Variants in ADAM19 observed in about 807,000 individuals in gnomAD.
ADAM19 encodes the protein disintegrin and metalloproteinase domain-containing protein 19.
ADAM19 carries 65 observed loss-of-function variants against 114.7 expected under a neutral mutation model. The observed-to-expected ratio is 0.57, with a 90% CI of 0.46 to 0.70. ADAM19 has a LOEUF of 0.70. Among genes scored for constraint, ADAM19 ranks in the 30% least tolerant of loss-of-function variants. The probability of loss-of-function intolerance (pLI) is 0.00; values close to 1 mark genes in which losing one functional copy is unlikely to be tolerated. For synonymous variants in ADAM19, 466 were observed against 460.5 expected (o/e 1.01, Z -0.15); for missense variants, 1,063 against 1,204.7 (o/e 0.88, Z 1.74).
intron 13 of ADAM19, among the ~76,000 whole-genome samples, chr5:157,497,699 CG>C (rs1561530007): frequency 6.6e-6 from 1 of 152,186 alleles, no homozygotes; most frequent in Non-Finnish European, 1.5e-5. Context: ...GTGACATACA[CG>C]TATCTCGTGG....
In ADAM19 at chr5:157,513,282, G is replaced by T. The variant is rs141916604; in HGVS notation, c.738+152C>A. 6.5e-6 allele frequency: 4 copies of T among 619,180 alleles called. No individual in the cohort carries two copies. The East Asian group carries it at 8.1e-5, about 13-fold the overall frequency. 38.4% of individuals were successfully genotyped at this position (619,180 alleles called of 1,614,324 possible). A position where few individuals can be genotyped will look rare whatever the true frequency, so the allele number is the denominator to read the frequency against. ...TACTTGCCTAAGGGTACGTAGTTCA[G>T]GGCTCTGTCATGACCGCCCTGGGCC... On this transcript the variant is annotated intron_variant, in intron 8 of 22. Coordinates refer to ENST00000257527, the MANE Select transcript of ADAM19 (RefSeq NM_033274.5).
chr5:157,530,576 A>G lies in ADAM19; in HGVS notation c.407+231T>C, dbSNP rs78952763. On this transcript the variant is annotated intron_variant, in intron 5 of 22. Transcript: ENST00000257527. Reference sequence around the variant, plus strand: ...GCCTTACCATACCTAAATAATAACAAAACCTATATTTTAAAACATCAAGTT... The same window carrying G: ...GCCTTACCATACCTAAATAATAACAGAACCTATATTTTAAAACATCAAGTT... Among the ~76,000 whole-genome samples, 12 of 152,312 alleles carry G rather than the reference A, an allele frequency of 7.9e-5. No homozygotes were observed. In the East Asian group the frequency reaches 2.3e-3, roughly 29 times the overall value.
chr5:157,540,649 T>C (rs1209363602), intron 3 of ADAM19, among the ~76,000 whole-genome samples: 3 of 152,166 alleles, frequency 2.0e-5, no homozygotes, highest in Non-Finnish European at 4.4e-5. Context: ...AGGCAGTACA[T>C]GTGCATTCTG....
At chr5:157,522,308 C>A (rs1487604536) in intron 5 of ADAM19, among the ~76,000 whole-genome samples, 2 of 151,578 alleles carry the variant, frequency 1.3e-5, no homozygotes, top group Non-Finnish European at 2.9e-5. Flanking sequence ...GTTTCATCAA[C>A]TTTTAAGTTC....
At chr5:157,500,767 A>G (rs528792595) in intron 12 of ADAM19, among the ~76,000 whole-genome samples, 2 of 152,184 alleles carry the variant, frequency 1.3e-5, no homozygotes, top group Non-Finnish European at 2.9e-5. Context: ...CCAGCCTGAG[A>G]TTTTTAAAAG....
chr5:157,479,355 T>C lies in ADAM19; in HGVS notation c.*1594A>G. Reference sequence around the variant, plus strand: ...GTGAATCAGAAGCTCAGCCTCAGCCTTGCAGTGAGGTTTTCAAGAGCAAAC... The same window carrying C: ...GTGAATCAGAAGCTCAGCCTCAGCCCTGCAGTGAGGTTTTCAAGAGCAAAC... On this transcript the variant is annotated 3_prime_UTR_variant, in exon 23 of 23. Coordinates refer to ENST00000257527, the MANE Select transcript of ADAM19 (RefSeq NM_033274.5). The C allele has an allele frequency of 1.0e-6, 1 of 986,046 alleles. No individual in the cohort carries two copies. Among genetic ancestry groups the C allele is most frequent in the Non-Finnish European group, 1.2e-6 (1 of 830,088 alleles). The allele number at this position is 986,046 out of a possible 1,614,324, so 61.1% of individuals were successfully genotyped here.
At chr5:157,551,408 A>ACC (rs200931202) in intron 3 of ADAM19, among the ~76,000 whole-genome samples, 1 of 37,708 alleles carries the variant, frequency 2.7e-5, no homozygotes, top group Non-Finnish European at 4.6e-5. Flanking sequence ...TGTCCCCCCA[A>ACC]CCCCAAAAAA....
intron 3 of ADAM19, among the ~76,000 whole-genome samples, chr5:157,561,041 C>T (rs1257036776): frequency 6.6e-6 from 1 of 152,186 alleles, no homozygotes; most frequent in Non-Finnish European, 1.5e-5. Context: ...TAGTAAGTGG[C>T]AGAGCCAGGA....
In ADAM19 at chr5:157,480,537, C is replaced by A; in HGVS notation, c.*412G>T. 9.8e-7 allele frequency: 1 copy of A among 1,018,634 alleles called. No individual in the cohort carries two copies. The highest frequency in any genetic ancestry group is 1.2e-6 in the Non-Finnish European group (1 of 850,524). The allele number at this position is 1,018,634 out of a possible 1,614,324, so 63.1% of individuals were successfully genotyped here. ...CCGGGACCTCTGAGGAGAGCAGAAGCAATGGGAAGCTCTCTTGCGTGCCCT... is the reference window on the plus strand; with the variant it reads ...CCGGGACCTCTGAGGAGAGCAGAAGAAATGGGAAGCTCTCTTGCGTGCCCT... On this transcript the variant is annotated 3_prime_UTR_variant, in exon 23 of 23. Transcript: ENST00000257527.
intron 14 of ADAM19, among the ~76,000 whole-genome samples, chr5:157,495,080 CTT>C (rs1344413959): frequency 6.6e-6 from 1 of 152,096 alleles, no homozygotes; most frequent in African/African-American, 2.4e-5. Context: ...TCCTCCGCCT[CTT>C]GGGTTCAAGC....
chr5:157,525,510 G>A (rs1026495789), intron 5 of ADAM19, among the ~76,000 whole-genome samples: 1 of 152,168 alleles, frequency 6.6e-6, no homozygotes. Context: ...TGAGAGCCGG[G>A]GCTAATCCCA....
chr5:157,480,877 A>T lies in ADAM19; in HGVS notation c.*72T>A. ...CAGAGGCGGCCAGACATGCTTCTTC[A>T]GGGTTCCATGGCCATGGGTCCTCTG... On this transcript the variant is annotated 3_prime_UTR_variant, in exon 23 of 23. Coordinates refer to ENST00000257527, the MANE Select transcript of ADAM19 (RefSeq NM_033274.5). The T allele has an allele frequency of 6.2e-7, 1 of 1,607,840 alleles. No homozygotes were observed. Among genetic ancestry groups the T allele is most frequent in the South Asian group, 1.1e-5 (1 of 89,984 alleles).
Position 157,498,688 on chromosome 5 carries a change from GTATATA to G in ADAM19, c.1398+879_1398+884del, listed in dbSNP as rs55867903. 8.3e-5 allele frequency among the ~76,000 whole-genome samples: 12 copies of G among 143,876 alleles called. No homozygotes were observed. In the South Asian group the frequency reaches 2.0e-3, roughly 24 times the overall value. 94.4% of individuals were successfully genotyped at this position (143,876 alleles called of 152,430 possible). A position where few individuals can be genotyped will look rare whatever the true frequency, so the allele number is the denominator to read the frequency against. ...CATATATAATTACACATGTGTGTAT[GTATATA>G]TATATATATATATATATGGATATGG... On this transcript the variant is annotated intron_variant, in intron 13 of 22. Transcript: ENST00000257527.
chr5:157,487,892 A>T (rs1321757930), intron 21 of ADAM19, among the ~76,000 whole-genome samples: 1 of 152,190 alleles, frequency 6.6e-6, no homozygotes, highest in East Asian at 1.9e-4. Context: ...AGATCTGAGG[A>T]TGAGCAGGAG....
chr5:157,480,425 T>C lies in ADAM19; in HGVS notation c.*524A>G, dbSNP rs1561836611. On this transcript the variant is annotated 3_prime_UTR_variant, in exon 23 of 23. Transcript: ENST00000257527. The stretch of plus-strand genomic sequence containing the variant: ...AGAAGCCGTTCCCTCAACCAAGCCC[T>C]GGGCAGGGCCACAGCAGTGGCTGGC... The C allele has an allele frequency of 1.0e-6, 1 of 989,572 alleles. No homozygotes were observed. The highest frequency in any genetic ancestry group is 1.1e-4 in the East Asian group (1 of 8,886). 61.3% of individuals were successfully genotyped at this position (989,572 alleles called of 1,614,324 possible). A position where few individuals can be genotyped will look rare whatever the true frequency, so the allele number is the denominator to read the frequency against.
At chr5:157,519,095 G>C (rs1181460744) in intron 6 of ADAM19, among the ~76,000 whole-genome samples, 2 of 152,138 alleles carry the variant, frequency 1.3e-5, no homozygotes, top group Non-Finnish European at 2.9e-5. Flanking sequence ...GGCTGCTCTG[G>C]GACCCTGGAT....
rs181624259 is a variant in ADAM19 at position 157,480,485 on chromosome 5, G to A, written c.*464C>T. On this transcript the variant is annotated 3_prime_UTR_variant, in exon 23 of 23. Transcript: ENST00000257527. ...CCTTAATCCCTAAAAGCTAAAAGGG[G>A]TGGGTAAGTACCAGCCTCCATCCAG... 1.3e-5 allele frequency: 13 copies of A among 992,382 alleles called. No individual in the cohort carries two copies. In the East Asian group the frequency reaches 1.4e-3, roughly 110 times the overall value. The allele number at this position is 992,382 out of a possible 1,614,324, so 61.5% of individuals were successfully genotyped here.
At chr5:157,511,938 C>A (rs981528740) in intron 8 of ADAM19, among the ~76,000 whole-genome samples, 2 of 152,202 alleles carry the variant, frequency 1.3e-5, no homozygotes, top group African/African-American at 4.8e-5. Flanking sequence ...CACCAGCGCC[C>A]TTGGTTCCAT....
Position 157,523,611 on chromosome 5 carries a change from T to A in ADAM19, c.408-3580A>T, listed in dbSNP as rs183178230. On this transcript the variant is annotated intron_variant, in intron 5 of 22. Transcript: ENST00000257527. ...GCTCCCCTTCACCTTCTGCCATGAG[T>A]GGAAGCAGCCTGAGGCCCTCACCAG... 6.5e-3 allele frequency among the ~76,000 whole-genome samples: 984 copies of A among 152,310 alleles called. 5 individuals carry two copies. The highest frequency in any genetic ancestry group is 9.6e-3 in the Non-Finnish European group (655 of 68,038).
Sources: allele counts gnomAD v4.1 joint callset (sites outside exome capture counted in the v4.1 genomes callset), GRCh38; gene constraint gnomAD v4.1.1; transcripts MANE v1.5; gene names NCBI Gene and HGNC (gene_info 2026-07-23, HGNC 2026-07-21).